Variants in EYS observed in about 807,000 individuals in gnomAD.
The protein encoded by EYS is EGF-like photoreceptor maintenance factor, also known as protein eyes shut homolog.
In EYS, 250 loss-of-function variants were observed where a neutral mutation model predicts 282.1. The observed-to-expected ratio is 0.89, with a 90% CI of 0.80 to 0.98. The LOEUF (loss-of-function observed/expected upper bound fraction) is 0.98. Ranked by LOEUF, EYS falls within the 50% of genes least tolerant of loss-of-function variation. EYS has a pLI of 0.00. For synonymous variants in EYS, 1,355 were observed against 1,282.9 expected (o/e 1.06, Z -1.20); for missense variants, 4,016 against 3,709.0 (o/e 1.08, Z -2.15).
At chr6:63,960,585 G>A (rs1335459724) in intron 35 of EYS, among the ~76,000 whole-genome samples, 1 of 152,148 alleles carries the variant, frequency 6.6e-6, no homozygotes, top group East Asian at 1.9e-4. Context: ...TTCATGACAA[G>A]AAGAGTCAAT....
chr6:64,909,710 G>A (rs1767934589), intron 16 of EYS, among the ~76,000 whole-genome samples: 1 of 151,768 alleles, frequency 6.6e-6, no homozygotes. Flanking sequence ...TAACTATACC[G>A]ATAATTTTTT....
intron 12 of EYS, among the ~76,000 whole-genome samples, chr6:65,236,094 C>T (rs1766915822): frequency 6.6e-6 from 1 of 151,718 alleles, no homozygotes; most frequent in Admixed American, 6.6e-5. Context: ...TTATTAGTAG[C>T]ATTAATTTGT....
intron 12 of EYS, among the ~76,000 whole-genome samples, chr6:65,276,513 G>A (rs1768052485): frequency 6.6e-6 from 1 of 152,002 alleles, no homozygotes; most frequent in Non-Finnish European, 1.5e-5. Context: ...TTACTACACT[G>A]CCTGTAGTTA....
intron 12 of EYS, among the ~76,000 whole-genome samples, chr6:65,140,003 C>T (rs1333897573): frequency 6.6e-6 from 1 of 151,890 alleles, no homozygotes; most frequent in African/African-American, 2.4e-5. Flanking sequence ...GGATAGAAAA[C>T]TTATGTTTTC....
At chr6:64,383,179 T>C (rs1272283355) in intron 29 of EYS, among the ~76,000 whole-genome samples, 5 of 152,076 alleles carry the variant, frequency 3.3e-5, no homozygotes, top group African/African-American at 1.2e-4. Context: ...TACATGCCTG[T>C]AGTCCCAGCT....
chr6:64,997,624 C>A lies in EYS; in HGVS notation c.2217G>T (p.Leu739=). 2 of 1,551,246 alleles carry A rather than the reference C, an allele frequency of 1.3e-6. No individual in the cohort carries two copies. The highest frequency in any genetic ancestry group is 1.7e-6 in the Non-Finnish European group (2 of 1,146,594). ...AGGTAGAATTGTGCTCACAGGCATT[C>A]AGGATGCAGTCATCAATGTCCTGTT... ...RCEQDIDDCI[L]NACEHNSTCK... The change falls in exon 14 of 43, where the codon CTG becomes CTT. Residue 739 remains leucine (L), a synonymous_variant. Transcript: ENST00000503581.
chr6:64,811,965 T>A (rs913134019), intron 22 of EYS, among the ~76,000 whole-genome samples: 2 of 152,128 alleles, frequency 1.3e-5, no homozygotes, highest in African/African-American at 4.8e-5. Flanking sequence ...GATAATCAAT[T>A]TTTTTATTGA....
intron 11 of EYS, among the ~76,000 whole-genome samples, chr6:65,319,689 CAGAT>C (rs1479120561): frequency 1.3e-5 from 2 of 152,104 alleles, no homozygotes; most frequent in East Asian, 1.9e-4. Context: ...ATCAGTGATA[CAGAT>C]AGATGGATGG....
At chr6:64,079,381 A>G (rs896319079) in intron 32 of EYS, among the ~76,000 whole-genome samples, 3 of 151,970 alleles carry the variant, frequency 2.0e-5, no homozygotes, top group Non-Finnish European at 4.4e-5. Flanking sequence ...AAAACTACTA[A>G]CTTCACCTGG....
intron 19 of EYS, among the ~76,000 whole-genome samples, chr6:64,868,290 G>T (rs988401889): frequency 6.6e-6 from 1 of 151,342 alleles, no homozygotes; most frequent in Non-Finnish European, 1.5e-5. Flanking sequence ...TACTCATGTA[G>T]AATTGGATAT....
intron 8 of EYS, among the ~76,000 whole-genome samples, chr6:65,365,316 C>G (rs936211832): frequency 1.3e-5 from 2 of 151,532 alleles, no homozygotes; most frequent in African/African-American, 4.8e-5. Context: ...TGCCTTCTTA[C>G]GCCTGAAAAA....
intron 19 of EYS, among the ~76,000 whole-genome samples, chr6:64,836,510 T>C (rs1765387538): frequency 6.6e-6 from 1 of 151,556 alleles, no homozygotes; most frequent in African/African-American, 2.4e-5. Flanking sequence ...AATTTTCATG[T>C]CAAATGAGTA....
At chr6:64,217,055 A>T (rs1210263021) in intron 31 of EYS, among the ~76,000 whole-genome samples, 1 of 152,198 alleles carries the variant, frequency 6.6e-6, no homozygotes, top group Non-Finnish European at 1.5e-5. Context: ...ATGGAGAATG[A>T]TTTTACTTAC....
chr6:65,520,908 G>A (rs1018730023), intron 2 of EYS, among the ~76,000 whole-genome samples: 2 of 151,928 alleles, frequency 1.3e-5, no homozygotes, highest in African/African-American at 4.8e-5. Flanking sequence ...CTTTGCAATT[G>A]GAGAGGCAAT....
At chr6:65,382,359 G>T (rs1292514305) in intron 8 of EYS, among the ~76,000 whole-genome samples, 1 of 151,074 alleles carries the variant, frequency 6.6e-6, no homozygotes, top group African/African-American at 2.4e-5. Context: ...CATGTGTGTT[G>T]TGATAAGATG....
chr6:65,235,468 T>C (rs1766899975), intron 12 of EYS, among the ~76,000 whole-genome samples: 1 of 152,144 alleles, frequency 6.6e-6, no homozygotes, highest in Non-Finnish European at 1.5e-5. Context: ...GGTTTGGCAA[T>C]TTTTATTCTA....
chr6:65,568,014 T>C (rs1239136200), intron 2 of EYS, among the ~76,000 whole-genome samples: 3 of 152,076 alleles, frequency 2.0e-5, no homozygotes, highest in Non-Finnish European at 2.9e-5. Context: ...TTTTCCCACC[T>C]AGAACAAGAA....
chr6:64,958,951 T>C (rs1176864025), intron 14 of EYS, among the ~76,000 whole-genome samples: 2 of 152,168 alleles, frequency 1.3e-5, no homozygotes, highest in Admixed American at 6.5e-5. Context: ...TTAACAATTA[T>C]TGAATGACTT....
chr6:64,064,218 A>G (rs559110481), intron 33 of EYS, among the ~76,000 whole-genome samples: 10 of 152,230 alleles, frequency 6.6e-5, no homozygotes, highest in Admixed American at 5.2e-4. Context: ...CCATATACAC[A>G]TAAGAATTAG....
Sources: gnomAD v4.1 joint callset for allele counts (sites outside exome capture counted in the v4.1 genomes callset) on GRCh38, gnomAD v4.1.1 for gene constraint, MANE v1.5 for transcripts, NCBI Gene and HGNC (gene_info 2026-07-23, HGNC 2026-07-21) for gene names.